Variants in UMAD1 observed in about 807,000 individuals in gnomAD.
UMAD1 encodes the protein UBAP1-MVB12-associated (UMA) domain containing 1.
Under a neutral mutation model 6.1 loss-of-function variants are expected in UMAD1, and 8 were observed. That is an observed-to-expected ratio of 1.30 (90% confidence interval 0.76 to 2.35). The LOEUF (loss-of-function observed/expected upper bound fraction) is 2.35, where lower values mean the gene tolerates loss of function less well. Among genes scored for constraint, UMAD1 ranks in the 30% most tolerant of loss-of-function variants. The pLI is 0.00. For missense variants in UMAD1, 130 were observed against 78.4 expected, an observed-to-expected ratio of 1.66 and a Z score of -2.49; for synonymous variants, 56 against 31.4, an observed-to-expected ratio of 1.78 and a Z score of -2.61.
At chr7:7,713,911 T>G (rs1780827547) in intron 2 of UMAD1, among the ~76,000 whole-genome samples, 1 of 152,192 alleles carries the variant, frequency 6.6e-6, no homozygotes, top group South Asian at 2.1e-4. Flanking sequence ...GACAGCTCAC[T>G]GCAGCCTCGA....
intron 3 of UMAD1, among the ~76,000 whole-genome samples, chr7:7,816,328 C>T (rs1463513243): frequency 6.6e-6 from 1 of 152,214 alleles, no homozygotes; most frequent in African/African-American, 2.4e-5. Context: ...CACTTTGCTT[C>T]TCTTTTCCGT....
rs1485326857 is a variant in UMAD1 at position 7,847,100 on chromosome 7, AAAAAATATATATATATATATATATATAT to A, written c.157-30179_157-30152del. Among the ~76,000 whole-genome samples the A allele has an allele frequency of 4.9e-3, 190 of 38,442 alleles. 20 individuals carry two copies. The highest frequency in any genetic ancestry group is 0.018 in the East Asian group (23 of 1,266). The allele number at this position is 38,442 out of a possible 152,430, so 25.2% of individuals were successfully genotyped here. The stretch of plus-strand genomic sequence containing the variant: ...AAGACAGCAATGCAAAAAAAAAAAA[AAAAAATATATATATATATATATATATAT>A]ATATATATATATATATATATATATA... On this transcript the variant is annotated intron_variant, in intron 3 of 3. Transcript: ENST00000682710.
intron 1 of UMAD1, among the ~76,000 whole-genome samples, chr7:7,652,549 G>A (rs750792309): frequency 6.6e-6 from 1 of 152,228 alleles, no homozygotes; most frequent in Non-Finnish European, 1.5e-5. Flanking sequence ...TTTTATACAG[G>A]ACTTAGCACC....
At chr7:7,733,466 G>A (rs919367986) in intron 2 of UMAD1, among the ~76,000 whole-genome samples, 6 of 151,424 alleles carry the variant, frequency 4.0e-5, no homozygotes, top group Non-Finnish European at 2.9e-5. Flanking sequence ...CTGCAATTCC[G>A]TACATTATAA....
rs1779488177 is a variant in UMAD1 at position 7,667,213 on chromosome 7, A to G, written c.-63-6096A>G. 1.3e-5 allele frequency among the ~76,000 whole-genome samples: 2 copies of G among 152,238 alleles called. 1 individual carries two copies. The highest frequency in any genetic ancestry group is 4.1e-4 in the South Asian group (2 of 4,836). On this transcript the variant is annotated intron_variant, in intron 1 of 3. Coordinates refer to ENST00000682710, the MANE Select transcript of UMAD1 (RefSeq NM_001302348.2). ...TTCTAGCTCAGATAGGTAAGTTGCC[A>G]CTAGCTAATAATGGGTTTTTGAGAA...
chr7:7,661,391 C>T lies in UMAD1; in HGVS notation c.-63-11918C>T, dbSNP rs1038280399. On this transcript the variant is annotated intron_variant, in intron 1 of 3. Coordinates refer to ENST00000682710, the MANE Select transcript of UMAD1 (RefSeq NM_001302348.2). ...GATCCTTTGGAGGAGAAGGGGCATTCTGGTTTTTGGAATTTTCCGCCTTTT... is the reference window on the plus strand; with the variant it reads ...GATCCTTTGGAGGAGAAGGGGCATTTTGGTTTTTGGAATTTTCCGCCTTTT... Among the ~76,000 whole-genome samples, 7 of 152,248 alleles carry T rather than the reference C, an allele frequency of 4.6e-5. No individual in the cohort carries two copies. The East Asian group carries it at 1.4e-3, about 29-fold the overall frequency.
chr7:7,873,606 A>G (rs573259705), intron 3 of UMAD1, among the ~76,000 whole-genome samples: 39 of 152,248 alleles, frequency 2.6e-4, no homozygotes, highest in Middle Eastern at 3.2e-3. Context: ...ACATGAAATT[A>G]TAAGACCACT....
intron 2 of UMAD1, among the ~76,000 whole-genome samples, chr7:7,792,690 C>G (rs1782591167): frequency 6.6e-6 from 1 of 152,218 alleles, no homozygotes; most frequent in Admixed American, 6.5e-5. Context: ...CTCCCATCCT[C>G]TCTGTCTTAG....
rs571517454 is a variant in UMAD1, at chr7:7,779,291, T to A, written c.83-22379T>A. 2.3e-4 allele frequency among the ~76,000 whole-genome samples: 35 copies of A among 152,258 alleles called. No individual in the cohort carries two copies. The East Asian group carries it at 2.5e-3, about 11-fold the overall frequency. ...TAAACAGGAAGAAAAATCTTTTTTT[T>A]AAAAAGAGATAGTCTAGCTCTGTCA... On this transcript the variant is annotated intron_variant, in intron 2 of 3. Coordinates refer to ENST00000682710, the MANE Select transcript of UMAD1 (RefSeq NM_001302348.2).
At chr7:7,860,875 A>C (rs1008153030) in intron 3 of UMAD1, among the ~76,000 whole-genome samples, 7 of 152,196 alleles carry the variant, frequency 4.6e-5, no homozygotes, top group Admixed American at 3.3e-4. Flanking sequence ...ATAAATGAAT[A>C]AACAAAATGT....
intron 2 of UMAD1, among the ~76,000 whole-genome samples, chr7:7,724,547 A>G (rs1781106147): frequency 6.6e-6 from 1 of 152,206 alleles, no homozygotes; most frequent in Non-Finnish European, 1.5e-5. Context: ...GAAGGATTGC[A>G]GGGAGTAGTG....
intron 1 of UMAD1, among the ~76,000 whole-genome samples, chr7:7,647,099 T>G (rs559706326): frequency 6.6e-6 from 1 of 152,262 alleles, no homozygotes; most frequent in Non-Finnish European, 1.5e-5. Flanking sequence ...ATCTATTGAG[T>G]GTTTGGTAGT....
At chr7:7,762,669 T>A (rs1266217870) in intron 2 of UMAD1, among the ~76,000 whole-genome samples, 1 of 152,144 alleles carries the variant, frequency 6.6e-6, no homozygotes, top group East Asian at 1.9e-4. Flanking sequence ...ATGACAAGGA[T>A]CATAATATAG....
chr7:7,724,427 C>T (rs185445794), intron 2 of UMAD1, among the ~76,000 whole-genome samples: 31 of 152,280 alleles, frequency 2.0e-4, no homozygotes, highest in Non-Finnish European at 4.3e-4. Context: ...GCAGAACCCC[C>T]ACATTGGCTC....
intron 2 of UMAD1, among the ~76,000 whole-genome samples, chr7:7,713,472 C>T (rs1780816816): frequency 6.6e-6 from 1 of 151,782 alleles, no homozygotes; most frequent in East Asian, 1.9e-4. Flanking sequence ...CTGCTCCTCC[C>T]CCCCATGGCA....
At chr7:7,643,150 G>C (rs1039594423) in intron 1 of UMAD1, among the ~76,000 whole-genome samples, 75 of 152,102 alleles carry the variant, frequency 4.9e-4, no homozygotes, top group African/African-American at 1.8e-3. Context: ...GCCAGGGAGA[G>C]GCCATTTCCT....
intron 1 of UMAD1, among the ~76,000 whole-genome samples, chr7:7,653,166 A>G (rs1424750122): frequency 6.6e-6 from 1 of 152,236 alleles, no homozygotes; most frequent in Non-Finnish European, 1.5e-5. Context: ...TTCAAAATGC[A>G]ACACCAAATG....
chr7:7,731,442 A>G (rs1781249906), intron 2 of UMAD1, among the ~76,000 whole-genome samples: 1 of 147,478 alleles, frequency 6.8e-6, no homozygotes, highest in Non-Finnish European at 1.5e-5. Context: ...GATAGCAGTG[A>G]GGAAGAAAAA....
At chr7:7,675,473 G>A (rs1473329949) in intron 2 of UMAD1, among the ~76,000 whole-genome samples, 1 of 152,120 alleles carries the variant, frequency 6.6e-6, no homozygotes, top group Admixed American at 6.6e-5. Flanking sequence ...TAGAAGCCCA[G>A]TTTCCAGGGC....
Sources: gnomAD v4.1 joint callset for allele counts (sites outside exome capture counted in the v4.1 genomes callset) on GRCh38, gnomAD v4.1.1 for gene constraint, MANE v1.5 for transcripts, NCBI Gene and HGNC (gene_info 2026-07-23, HGNC 2026-07-21) for gene names.